EVA1C: variants seen among roughly 807,000 people sequenced by gnomAD.
EVA1C encodes eva-1 homolog C.
In EVA1C, 25 loss-of-function variants were observed where a neutral mutation model predicts 45.4. The ratio of observed to expected loss-of-function variants is 0.55; its 90% CI spans 0.40 to 0.77. EVA1C has a LOEUF of 0.77. Ranked by LOEUF, EVA1C falls within the 30% of genes least tolerant of loss-of-function variation. The pLI, the probability that EVA1C is intolerant of heterozygous loss-of-function variation, is 0.00. For synonymous variants in EVA1C, 190 were observed against 221.2 expected (o/e 0.86, Z 1.25); for missense variants, 479 against 554.8 (o/e 0.86, Z 1.37).
At chr21:32,423,176 T>G (rs905314018) in intron 1 of EVA1C, among the ~76,000 whole-genome samples, 1 of 151,676 alleles carries the variant, frequency 6.6e-6, no homozygotes, top group Non-Finnish European at 1.5e-5. Flanking sequence ...GGGAGTATAA[T>G]CTTTTTGTAT....
At chr21:32,472,379 G>C (rs6517098) in intron 4 of EVA1C, among the ~76,000 whole-genome samples, 34,334 of 151,988 alleles carry the variant, frequency 0.23, 3,929 homozygotes, top group Admixed American at 0.26. Context: ...GGCTGGTCTC[G>C]AACTCTTGAC....
chr21:32,500,273 G>C (rs2409452), intron 5 of EVA1C, among the ~76,000 whole-genome samples: 148,147 of 148,148 alleles, frequency 1, 74,073 homozygotes, highest in Non-Finnish European at 1. Flanking sequence ...TCTCAGCTCA[G>C]TGCAACCTCT....
At chr21:32,457,230 T>C (rs1312944548) in intron 2 of EVA1C, among the ~76,000 whole-genome samples, 1 of 152,178 alleles carries the variant, frequency 6.6e-6, no homozygotes, top group African/African-American at 2.4e-5. Flanking sequence ...GGGACCCCGC[T>C]CGAAGGGGAC....
At chr21:32,471,331 C>CTT (rs35525993) in intron 4 of EVA1C, among the ~76,000 whole-genome samples, 4 of 57,380 alleles carry the variant, frequency 7.0e-5, no homozygotes, top group South Asian at 5.5e-4. Flanking sequence ...TTTCTTTTTT[C>CTT]TTTTTTTTTT....
chr21:32,485,383 G>T, intron 4 of EVA1C, among the ~76,000 whole-genome samples: 1 of 152,114 alleles, frequency 6.6e-6, no homozygotes, highest in Non-Finnish European at 1.5e-5. Context: ...TGGCCAGGCT[G>T]GTCTCGAACT....
intron 2 of EVA1C, among the ~76,000 whole-genome samples, chr21:32,456,644 T>C (rs755633411): frequency 1.3e-5 from 2 of 152,246 alleles, no homozygotes; most frequent in Admixed American, 6.5e-5. Context: ...CTCACGTGTC[T>C]GCACTAAATT....
At chr21:32,416,206 TTGTGTGTGTGTGTGTG>T (rs113090077) in intron 1 of EVA1C, among the ~76,000 whole-genome samples, 1 of 149,968 alleles carries the variant, frequency 6.7e-6, no homozygotes, top group Non-Finnish European at 1.5e-5. Flanking sequence ...ACTTACTGTT[TTGTGTGTGTGTGTGTG>T]TGTGTGCTTC....
chr21:32,458,545 A>C (rs1332381193), intron 3 of EVA1C, among the ~76,000 whole-genome samples: 1 of 150,582 alleles, frequency 6.6e-6, no homozygotes, highest in East Asian at 2.0e-4. Context: ...TGCAATGCGC[A>C]ATCTCGGCTC....
chr21:32,484,058 G>A (rs537578696), intron 4 of EVA1C, among the ~76,000 whole-genome samples: 21 of 151,596 alleles, frequency 1.4e-4, no homozygotes, highest in Non-Finnish European at 3.1e-4. Context: ...ATTTTTTAGT[G>A]GTTAGCCATA....
intron 5 of EVA1C, among the ~76,000 whole-genome samples, chr21:32,496,314 G>T (rs150564615): frequency 1.3e-5 from 2 of 152,294 alleles, no homozygotes; most frequent in East Asian, 3.9e-4. Context: ...CGTACATGTT[G>T]TAGCATGTCT....
intron 5 of EVA1C, among the ~76,000 whole-genome samples, chr21:32,495,507 T>C (rs765328460): frequency 6.6e-6 from 1 of 152,158 alleles, no homozygotes; most frequent in Non-Finnish European, 1.5e-5. Flanking sequence ...GGAAAATTTA[T>C]TGGGATGTCA....
intron 3 of EVA1C, among the ~76,000 whole-genome samples, chr21:32,459,710 G>A (rs977837125): frequency 4.6e-5 from 7 of 151,854 alleles, no homozygotes; most frequent in Non-Finnish European, 5.9e-5. Flanking sequence ...GCATAGTGGC[G>A]CATGCCTGTA....
intron 1 of EVA1C, among the ~76,000 whole-genome samples, chr21:32,444,084 AC>A (rs1393522064): frequency 1.2e-4 from 18 of 151,442 alleles, no homozygotes; most frequent in South Asian, 4.2e-4. Flanking sequence ...ACACACACAC[AC>A]ACACACAAAC....
chr21:32,428,877 A>G (rs1568867745), intron 1 of EVA1C, among the ~76,000 whole-genome samples: 1 of 152,210 alleles, frequency 6.6e-6, no homozygotes, highest in African/African-American at 2.4e-5. Flanking sequence ...CAATATCTGC[A>G]TTTTAGTGAA....
rs140051684 is a variant in EVA1C at position 32,467,780 on chromosome 21, C to T, written c.566C>T (p.Ala189Val). ...TCCAAGTTCCTCAACATCTACTCTG[C>T]GACCTACGGCAGGAGGACCCAGGAA... is the stretch of plus-strand genomic sequence containing the variant. ...HESKFLNIYS[A>V]TYGRRTQERD... The change falls in exon 4 of 8, where the codon GCG becomes GTG. Residue 189 changes from alanine to valine, a missense_variant. Physicochemically the swap from Ala to Val is moderately conservative, Grantham distance 64. Coordinates refer to ENST00000300255, the MANE Select transcript of EVA1C (RefSeq NM_058187.5). The T allele has an allele frequency of 3.7e-5, 60 of 1,612,860 alleles. No individual in the cohort carries two copies. The highest frequency in any genetic ancestry group is 2.5e-4 in the African/African-American group (19 of 74,928).
chr21:32,512,987 G>A (rs527482799), intron 7 of EVA1C, among the ~76,000 whole-genome samples: 1 of 151,292 alleles, frequency 6.6e-6, no homozygotes, highest in Non-Finnish European at 1.5e-5. Flanking sequence ...GCTTCCATCT[G>A]TATAATACTT....
At chr21:32,480,780 T>A (rs1482924503) in intron 4 of EVA1C, among the ~76,000 whole-genome samples, 1 of 152,162 alleles carries the variant, frequency 6.6e-6, no homozygotes, top group East Asian at 1.9e-4. Flanking sequence ...CTGGCTAACA[T>A]GGTGAAACCT....
chr21:32,493,610 G>C (rs2016191), intron 4 of EVA1C: 8 of 151,916 alleles, frequency 5.3e-5, no homozygotes, highest in African/African-American at 1.9e-4. Context: ...GATCTCTCCC[G>C]CCTCTGACCT....
intron 4 of EVA1C, among the ~76,000 whole-genome samples, chr21:32,476,658 T>C (rs894280411): frequency 2.0e-5 from 3 of 151,622 alleles, no homozygotes; most frequent in African/African-American, 7.3e-5. Flanking sequence ...ATAATAATAA[T>C]AATAAGTTCA....
Sources: allele counts gnomAD v4.1 joint callset (sites outside exome capture counted in the v4.1 genomes callset), GRCh38; gene constraint gnomAD v4.1.1; transcripts MANE v1.5; gene names NCBI Gene and HGNC (gene_info 2026-07-23, HGNC 2026-07-21).